Variants in BMERB1 observed in about 807,000 individuals in gnomAD.
The protein encoded by BMERB1 is bMERB domain-containing protein 1.
A neutral mutation model predicts 23.6 loss-of-function variants in BMERB1; 12 were observed. The observed-to-expected ratio is 0.51, with a 90% CI of 0.33 to 0.82. The LOEUF (loss-of-function observed/expected upper bound fraction) is 0.82. Among genes scored for constraint, BMERB1 ranks in the 40% least tolerant of loss-of-function variants. The probability of loss-of-function intolerance (pLI) is 0.03; values close to 1 mark genes in which losing one functional copy is unlikely to be tolerated. For missense variants in BMERB1, 247 were observed against 255.4 expected (o/e 0.97, Z 0.22); for synonymous variants, 122 against 96.6 (o/e 1.26, Z -1.54).
chr16:15,558,003 C>G (rs1214657641), intron 2 of BMERB1, among the ~76,000 whole-genome samples: 1 of 151,940 alleles, frequency 6.6e-6, no homozygotes, highest in Non-Finnish European at 1.5e-5. Context: ...GAGATCATGC[C>G]ACTGCACTCC....
At position 15,515,293 on chromosome 16, in the gene BMERB1, T is replaced by A; in HGVS notation, c.107-12T>A. 6.2e-7 allele frequency: 1 copy of A among 1,612,760 alleles called. No individual in the cohort carries two copies. Among genetic ancestry groups the A allele is most frequent in the South Asian group, 1.1e-5 (1 of 90,918 alleles). ...GGGGTCCTGATGGTTGTATTTCCTG[T>A]CTCCTGCACAGATCAGCTGGACATC... On this transcript the variant is annotated splice_polypyrimidine_tract_variant and intron_variant, in intron 1 of 5. Transcript: ENST00000300006.
chr16:15,525,492 T>G (rs529344522), intron 2 of BMERB1, among the ~76,000 whole-genome samples: 8 of 152,092 alleles, frequency 5.3e-5, no homozygotes, highest in Admixed American at 1.3e-4. Context: ...TCATTTGAGG[T>G]CAGGAGTTTT....
intron 2 of BMERB1, among the ~76,000 whole-genome samples, chr16:15,540,251 T>C (rs1567491206): frequency 1.3e-5 from 2 of 151,914 alleles, no homozygotes; most frequent in African/African-American, 4.8e-5. Context: ...AAATAGACAA[T>C]AAAAGAGAAC....
intron 2 of BMERB1, among the ~76,000 whole-genome samples, chr16:15,559,987 G>T (rs1027565979): frequency 6.6e-5 from 10 of 152,182 alleles, no homozygotes; most frequent in African/African-American, 2.4e-4. Flanking sequence ...TTACAAATTT[G>T]TGTTGGGCTG....
chr16:15,567,088 T>C (rs2030589754), intron 2 of BMERB1, among the ~76,000 whole-genome samples: 1 of 151,728 alleles, frequency 6.6e-6, no homozygotes, highest in African/African-American at 2.4e-5. Context: ...GGAGGGGTTG[T>C]GCAGAGGTGG....
intron 3 of BMERB1, among the ~76,000 whole-genome samples, chr16:15,572,457 G>A (rs527622577): frequency 3.3e-5 from 5 of 152,220 alleles, no homozygotes; most frequent in Non-Finnish European, 5.9e-5. Context: ...TAGTGGGTAT[G>A]GGGTTTCTTC....
intron 3 of BMERB1, among the ~76,000 whole-genome samples, chr16:15,573,918 G>A (rs1019961585): frequency 1.4e-5 from 2 of 147,024 alleles, no homozygotes; most frequent in Non-Finnish European, 3.0e-5. Flanking sequence ...ATGAACGCAG[G>A]AGGAACTGCC....
chr16:15,502,476 C>A, intron 1 of BMERB1: 1 of 1,005,480 alleles, frequency 9.9e-7, no homozygotes, highest in Non-Finnish European at 1.5e-6. Flanking sequence ...GTGACTTCAT[C>A]TCTTTGGGAA....
intron 2 of BMERB1, among the ~76,000 whole-genome samples, chr16:15,544,962 T>A (rs2052118580): frequency 6.7e-6 from 1 of 149,392 alleles, no homozygotes; most frequent in African/African-American, 2.4e-5. Context: ...AAGCCCAAAT[T>A]TTCTTTTCTT....
intron 2 of BMERB1, chr16:15,533,250 CAAGAG>C (rs1567488131): frequency 4.8e-6 from 1 of 206,694 alleles, no homozygotes; most frequent in Non-Finnish European, 1.0e-5. Context: ...AGAGGAGACA[CAAGAG>C]AAGGGGGAGA....
intron 1 of BMERB1, among the ~76,000 whole-genome samples, chr16:15,476,911 C>T (rs933273486): frequency 6.6e-5 from 10 of 152,168 alleles, no homozygotes; most frequent in Admixed American, 2.6e-4. Flanking sequence ...ACCAGATCCC[C>T]AGTTGGCCCT....
At chr16:15,496,688 G>A (rs995078525) in intron 1 of BMERB1, among the ~76,000 whole-genome samples, 5 of 151,900 alleles carry the variant, frequency 3.3e-5, no homozygotes, top group African/African-American at 9.7e-5. Flanking sequence ...ACAGGCGCCC[G>A]CCACCACGCC....
At chr16:15,461,040 G>A (rs1171686182) in intron 1 of BMERB1, among the ~76,000 whole-genome samples, 10 of 151,486 alleles carry the variant, frequency 6.6e-5, no homozygotes, top group African/African-American at 2.2e-4. Flanking sequence ...CAGGAGGATC[G>A]CTTGAACCCA....
intron 1 of BMERB1, among the ~76,000 whole-genome samples, chr16:15,472,582 A>T (rs1029795931): frequency 6.6e-6 from 1 of 152,020 alleles, no homozygotes; most frequent in Non-Finnish European, 1.5e-5. Context: ...TTTGATTAAC[A>T]TTTGTGTATC....
At chr16:15,545,853 A>G (rs902675421) in intron 2 of BMERB1, among the ~76,000 whole-genome samples, 1 of 152,154 alleles carries the variant, frequency 6.6e-6, no homozygotes, top group Admixed American at 6.6e-5. Flanking sequence ...TGAGCAGCCA[A>G]AAATTCCAAC....
At chr16:15,572,111 T>C (rs1432201784) in intron 3 of BMERB1, among the ~76,000 whole-genome samples, 1 of 152,190 alleles carries the variant, frequency 6.6e-6, no homozygotes, top group South Asian at 2.1e-4. Flanking sequence ...ACTACTACTT[T>C]AGTAATTAGA....
chr16:15,515,422 G>A lies in BMERB1; in HGVS notation c.224G>A (p.Arg75Lys), dbSNP rs772046771. The A allele has an allele frequency of 6.2e-7, 1 of 1,613,630 alleles. No homozygotes were observed. The highest frequency in any genetic ancestry group is 8.5e-7 in the Non-Finnish European group (1 of 1,179,874). The change falls in exon 2 of 6, where the codon AGG (arginine) becomes AAG (lysine). Residue 75 changes from arginine (R) to lysine (K), a missense_variant. Coordinates refer to ENST00000300006, the MANE Select transcript of BMERB1 (RefSeq NM_033201.3). The stretch of plus-strand genomic sequence containing the variant: ...TTGGTCCGCCGGGAGTCTGAGCTCA[G>A]GTTCATGTGAGTGTTTTGGGGATGT... Reference protein sequence around the residue: ...EVLVRRESELRFMMDDIQLCK... With the variant: ...EVLVRRESELKFMMDDIQLCK...
At chr16:15,575,878 A>G (rs1006565287) in intron 3 of BMERB1, among the ~76,000 whole-genome samples, 5 of 151,944 alleles carry the variant, frequency 3.3e-5, no homozygotes, top group African/African-American at 1.2e-4. Context: ...CACACAGAAA[A>G]GGAGGAGGGT....
chr16:15,571,575 C>T (rs545350229), intron 3 of BMERB1, among the ~76,000 whole-genome samples: 9 of 152,086 alleles, frequency 5.9e-5, no homozygotes, highest in Admixed American at 1.3e-4. Context: ...AGGATGGTCT[C>T]GATCTCCTGA....
Sources: gnomAD v4.1 joint callset for allele counts (sites outside exome capture counted in the v4.1 genomes callset) on GRCh38, gnomAD v4.1.1 for gene constraint, MANE v1.5 for transcripts, NCBI Gene and HGNC (gene_info 2026-07-23, HGNC 2026-07-21) for gene names.